WNT9A: variants seen among roughly 807,000 people sequenced by gnomAD.
WNT9A encodes the protein Wnt family member 9A.
WNT9A carries 8 observed loss-of-function variants against 31.4 expected under a neutral mutation model. That is an observed-to-expected ratio of 0.26 (90% CI 0.15 to 0.46). The LOEUF is 0.46. Ranked by LOEUF, WNT9A falls within the 20% of genes least tolerant of loss-of-function variation. WNT9A has a pLI of 0.99. For synonymous variants in WNT9A, 236 were observed against 220.1 expected (o/e 1.07, Z -0.64); for missense variants, 457 against 522.9 (o/e 0.87, Z 1.23).
In WNT9A at chr1:227,942,124, C is replaced by A. The variant is rs1307941160; in HGVS notation, c.95+5669G>T. Among the ~76,000 whole-genome samples, 1 of 152,160 alleles carries A rather than the reference C, an allele frequency of 6.6e-6. No homozygotes were observed. The highest frequency in any genetic ancestry group is 1.9e-4 in the East Asian group (1 of 5,184). On this transcript the variant is annotated intron_variant, in intron 1 of 3. Coordinates refer to ENST00000272164, the MANE Select transcript of WNT9A (RefSeq NM_003395.4). This position sits in a 1 kb window ranked among gnomAD's most constrained non-coding sequence, Gnocchi z 5.7. Reference sequence around the variant, plus strand: ...GCGGAAGGTCCCAGGCCAGGGCAGGCACTGGGGCCCTCTGCAGCCTGCAGC... The same window carrying A: ...GCGGAAGGTCCCAGGCCAGGGCAGGAACTGGGGCCCTCTGCAGCCTGCAGC...
rs987159207 is a variant in WNT9A, at chr1:227,925,603, G to A, written c.96-84C>T. 7.0e-7 allele frequency: 1 copy of A among 1,430,532 alleles called. No homozygotes were observed. Among genetic ancestry groups the A allele is most frequent in the Non-Finnish European group, 9.1e-7 (1 of 1,096,060 alleles). 88.6% of individuals were successfully genotyped at this position (1,430,532 alleles called of 1,614,324 possible). A position where few individuals can be genotyped will look rare whatever the true frequency, so the allele number is the denominator to read the frequency against. On this transcript the variant is annotated intron_variant, in intron 1 of 3. Transcript: ENST00000272164. The surrounding 1 kb of genome is among the most constrained non-coding windows in gnomAD (Gnocchi z 6.0). ...AGGTGTCTCGGTGGCCAGGGTACAG[G>A]GGACAGGCGTGTCCATCCGGGGGTG... is the stretch of plus-strand genomic sequence containing the variant.
intron 3 of WNT9A, among the ~76,000 whole-genome samples, chr1:227,922,701 A>G (rs891179499): frequency 6.6e-6 from 1 of 152,144 alleles, no homozygotes; most frequent in Non-Finnish European, 1.5e-5. Context: ...GGCACCCACA[A>G]TCCATACTGG....
At chr1:227,939,072 G>A (rs1439211109) in intron 1 of WNT9A, among the ~76,000 whole-genome samples, 1 of 152,240 alleles carries the variant, frequency 6.6e-6, no homozygotes, top group Non-Finnish European at 1.5e-5. Context: ...ACCTCTGACT[G>A]TCATTCCAGG....
At chr1:227,946,839 C>T (rs934757888) in intron 1 of WNT9A, among the ~76,000 whole-genome samples, 1 of 152,092 alleles carries the variant, frequency 6.6e-6, no homozygotes, top group East Asian at 1.9e-4. Context: ...AACAGGTGAC[C>T]GGCGGAGGGC....
chr1:227,921,822 C>A lies in WNT9A; in HGVS notation c.794G>T (p.Gly265Val). 1 of 1,612,998 alleles carries A rather than the reference C, an allele frequency of 6.2e-7. No homozygotes were observed. Among genetic ancestry groups the A allele is most frequent in the Non-Finnish European group, 8.5e-7 (1 of 1,179,896 alleles). Reference sequence around the variant, plus strand: ...ACGGCCCCGTGGTGGGGAGATGGCACCTGCCTCGCCGGCAGCTTCATTGGT... The same window carrying A: ...ACGGCCCCGTGGTGGGGAGATGGCAACTGCCTCGCCGGCAGCTTCATTGGT... ...STTNEAAGEA[G>V]AISPPRGRAS... is the part of the protein sequence containing the mutation. Residue 265 changes from glycine (G) to valine (V), a missense_variant, in exon 4 of 4, where the codon GGT becomes GTT. By Grantham distance (109) the Gly-to-Val change is moderately radical. Transcript: ENST00000272164.
rs926855054 is a variant in WNT9A, at chr1:227,927,000, C to A, written c.96-1481G>T. 1.3e-5 allele frequency among the ~76,000 whole-genome samples: 2 copies of A among 152,072 alleles called. No homozygotes were observed. The highest frequency in any genetic ancestry group is 4.8e-5 in the African/African-American group (2 of 41,416). ...AGCAGGTAGTGGCCCCAGGAAGGAT[C>A]CCACAGCCCCTCCACAGGAGCCACC... On this transcript the variant is annotated intron_variant, in intron 1 of 3. Coordinates refer to ENST00000272164, the MANE Select transcript of WNT9A (RefSeq NM_003395.4). The surrounding 1 kb of genome is among the most constrained non-coding windows in gnomAD (Gnocchi z 5.0).
In WNT9A at chr1:227,919,190, T is replaced by C. The variant is rs895465954; in HGVS notation, c.*2328A>G. The stretch of plus-strand genomic sequence containing the variant: ...CGCCCTTCATAGACCCAATAGTGAC[T>C]GAGTGACAGTCTTGTCATGTCATGA... On this transcript the variant is annotated 3_prime_UTR_variant, in exon 4 of 4. Transcript: ENST00000272164. The C allele has an allele frequency of 6.6e-6, 1 of 152,240 alleles. No homozygotes were observed. Among genetic ancestry groups the C allele is most frequent in the Non-Finnish European group, 1.5e-5 (1 of 68,058 alleles). 9.4% of individuals were successfully genotyped at this position (152,240 alleles called of 1,614,324 possible).
At chr1:227,946,480 C>A (rs759579801) in intron 1 of WNT9A, among the ~76,000 whole-genome samples, 7 of 152,204 alleles carry the variant, frequency 4.6e-5, no homozygotes, top group African/African-American at 1.4e-4. Flanking sequence ...GGTGAGGCTA[C>A]GGGTTGCACA....
chr1:227,922,346 A>C (rs904866400), intron 3 of WNT9A, among the ~76,000 whole-genome samples: 1 of 152,094 alleles, frequency 6.6e-6, no homozygotes, highest in Non-Finnish European at 1.5e-5. Flanking sequence ...CCCCATTCCC[A>C]TAATCCCAGT....
At chr1:227,927,428 G>T (rs3949294) in intron 1 of WNT9A, among the ~76,000 whole-genome samples, 11,403 of 152,224 alleles carry the variant, frequency 0.075, 526 homozygotes, top group South Asian at 0.12. Flanking sequence ...GGCTGAGGTT[G>T]GAAGAGGCCG....
chr1:227,945,054 G>A (rs781771809), intron 1 of WNT9A, among the ~76,000 whole-genome samples: 27 of 152,330 alleles, frequency 1.8e-4, no homozygotes, highest in Admixed American at 4.6e-4. Flanking sequence ...TCTGGGCCCA[G>A]GAGAGAAGCA....
intron 3 of WNT9A, among the ~76,000 whole-genome samples, chr1:227,922,856 C>T (rs1394863483): frequency 6.6e-6 from 1 of 152,226 alleles, no homozygotes; most frequent in African/African-American, 2.4e-5. Flanking sequence ...CCCAGGAGGG[C>T]CGGCTCAAGG....
intron 1 of WNT9A, among the ~76,000 whole-genome samples, chr1:227,936,306 C>T (rs1666594701): frequency 6.6e-6 from 1 of 152,164 alleles, no homozygotes; most frequent in Non-Finnish European, 1.5e-5. Context: ...GTTCCTGCCT[C>T]AGCCTCCCAA....
In WNT9A at chr1:227,930,673, C is replaced by T. The variant is rs571583949; in HGVS notation, c.96-5154G>A. 2.6e-5 allele frequency among the ~76,000 whole-genome samples: 4 copies of T among 152,336 alleles called. No individual in the cohort carries two copies. In the East Asian group the frequency reaches 5.8e-4, roughly 22 times the overall value. On this transcript the variant is annotated intron_variant, in intron 1 of 3. Transcript: ENST00000272164. ...AGCATGAAGCCTGACGCCCAAACAC[C>T]GTTTCCGGCCACAGAGGCGCCCTTT...
Position 227,921,615 on chromosome 1 carries a change from AC to A in WNT9A, c.1000del (p.Val334TrpfsTer2), listed in dbSNP as rs1666315267. Reference sequence around the variant, plus strand: ...CTGGCACTGGCAGGGCCTTGTCACCACCCGGCTCTGTGTGTTATGGCCGCGG... The same window carrying A: ...CTGGCACTGGCAGGGCCTTGTCACCACCGGCTCTGTGTGTTATGGCCGCGG... Reference protein sequence around the residue: ...CGRGHNTQSRVVTRPCQCQVR... With the variant: ...CGRGHNTQSRXVTRPCQCQVR... On this transcript the variant is annotated frameshift_variant, in exon 4 of 4. Transcript: ENST00000272164. LOFTEE classifies it high-confidence loss of function. 6.2e-7 allele frequency: 1 copy of A among 1,613,094 alleles called. No homozygotes were observed. Among genetic ancestry groups the A allele is most frequent in the South Asian group, 1.1e-5 (1 of 91,070 alleles).
At chr1:227,923,129 C>A (rs953432472) in intron 3 of WNT9A, among the ~76,000 whole-genome samples, 6 of 152,084 alleles carry the variant, frequency 3.9e-5, no homozygotes, top group African/African-American at 1.4e-4. Flanking sequence ...CCCAAGAAGG[C>A]GGAAGGAGGC....
intron 1 of WNT9A, among the ~76,000 whole-genome samples, chr1:227,938,215 C>A (rs576390416): frequency 1.3e-5 from 2 of 150,938 alleles, no homozygotes; most frequent in Admixed American, 1.3e-4. Context: ...ACAAACCCCC[C>A]CACACAGATA....
intron 1 of WNT9A, among the ~76,000 whole-genome samples, chr1:227,937,361 A>G (rs1225869994): frequency 1.3e-5 from 2 of 152,250 alleles, no homozygotes; most frequent in Non-Finnish European, 2.9e-5. Context: ...TACTGAGGAA[A>G]CAGTTGGCAG....
rs559544290 is a variant in WNT9A at position 227,921,086 on chromosome 1, C to T, written c.*432G>A. The T allele has an allele frequency of 6.5e-5, 12 of 185,564 alleles. No homozygotes were observed. Among genetic ancestry groups the T allele is most frequent in the Non-Finnish European group, 9.0e-5 (8 of 88,786 alleles). The allele number at this position is 185,564 out of a possible 1,614,324, so 11.5% of individuals were successfully genotyped here. ...GCAGGGTTGGCCAGGCCCGGGGACTCGTCCCTTGCAGGTGTAGACCTTCTC... is the reference window on the plus strand; with the variant it reads ...GCAGGGTTGGCCAGGCCCGGGGACTTGTCCCTTGCAGGTGTAGACCTTCTC... On this transcript the variant is annotated 3_prime_UTR_variant, in exon 4 of 4. Transcript: ENST00000272164.
Sources: gnomAD v4.1 joint callset for allele counts (sites outside exome capture counted in the v4.1 genomes callset) on GRCh38, gnomAD v4.1.1 for gene constraint, Gnocchi (gnomAD v3.1) non-coding constraint, MANE v1.5 for transcripts, NCBI Gene and HGNC (gene_info 2026-07-23, HGNC 2026-07-21) for gene names.